NLGN4X: variants seen among roughly 807,000 people sequenced by gnomAD.
The protein encoded by NLGN4X is neuroligin 4 X-linked, also known as neuroligin-4, X-linked.
A neutral mutation model predicts 40.3 loss-of-function variants in NLGN4X; 3 were observed. That is an observed-to-expected ratio of 0.07 (90% CI 0.03 to 0.19). The LOEUF (loss-of-function observed/expected upper bound fraction) is 0.19. Among genes scored for constraint, NLGN4X ranks in the 10% least tolerant of loss-of-function variants. The pLI, the probability that NLGN4X is intolerant of heterozygous loss-of-function variation, is 1.00. For missense variants in NLGN4X, 382 were observed against 708.3 expected, an observed-to-expected ratio of 0.54 and a Z score of 5.23; for synonymous variants, 270 against 306.8, an observed-to-expected ratio of 0.88 and a Z score of 1.25.
intron 1 of NLGN4X, among the ~76,000 whole-genome samples, chrX:6,215,879 T>C (rs1602437493): frequency 4.1e-5 from 1 of 24,233 alleles, no homozygotes; most frequent in Non-Finnish European, 7.0e-5. Context: ...ACTCAAACAC[T>C]TTTTTTTTTT....
intron 2 of NLGN4X, among the ~76,000 whole-genome samples, chrX:6,057,514 A>G (rs2037662455): frequency 8.9e-6 from 1 of 112,283 alleles, no homozygotes. Flanking sequence ...AATTAAGAAT[A>G]AGATGAGTAA....
chrX:6,171,806 T>TC (rs1288748013), intron 1 of NLGN4X, among the ~76,000 whole-genome samples: 1 of 111,685 alleles, frequency 9.0e-6, no homozygotes, highest in Non-Finnish European at 1.9e-5. Context: ...CCAAATCTCA[T>TC]ATTGAATTGT....
chrX:6,180,407 C>A (rs917312519), intron 1 of NLGN4X, among the ~76,000 whole-genome samples: 3 of 110,722 alleles, frequency 2.7e-5, no homozygotes, highest in Non-Finnish European at 5.7e-5. Flanking sequence ...GCCCCTCTCT[C>A]TCTCTTCCTC....
At chrX:5,923,678 C>G (rs946356767) in intron 3 of NLGN4X, among the ~76,000 whole-genome samples, 1 of 111,640 alleles carries the variant, frequency 9.0e-6, no homozygotes, top group East Asian at 2.8e-4. Flanking sequence ...ACAGGAAGGG[C>G]CTGCCCCCAT....
chrX:6,128,593 C>T lies in NLGN4X; in HGVS notation c.472+22402G>A, dbSNP rs141480158. On this transcript the variant is annotated intron_variant, in intron 2 of 5. Coordinates refer to ENST00000381095, the MANE Select transcript of NLGN4X (RefSeq NM_181332.3). ...AACAAAACAAAATATCACATGTTCT[C>T]GCTTATAAGTGGGGGCTAAACACTG... 5.3e-4 allele frequency among the ~76,000 whole-genome samples: 59 copies of T among 111,399 alleles called. No individual in the cohort carries two copies. In the East Asian group the frequency reaches 0.015, roughly 28 times the overall value.
chrX:6,100,805 C>T (rs2038890902), intron 2 of NLGN4X, among the ~76,000 whole-genome samples: 2 of 71,444 alleles, frequency 2.8e-5, no homozygotes, highest in Admixed American at 3.2e-4. Flanking sequence ...AACAAAGACC[C>T]ACAGTCTTGG....
intron 1 of NLGN4X, among the ~76,000 whole-genome samples, chrX:6,183,978 A>C (rs747956654): frequency 8.9e-6 from 1 of 112,325 alleles, no homozygotes; most frequent in South Asian, 3.7e-4. Context: ...ACAATTATTC[A>C]CTCTCAGTTA....
chrX:5,973,663 A>G (rs190275232), intron 3 of NLGN4X, among the ~76,000 whole-genome samples: 1 of 110,928 alleles, frequency 9.0e-6, no homozygotes, highest in East Asian at 2.9e-4. Context: ...TCTACTAAAA[A>G]TACAAAAAAA....
intron 2 of NLGN4X, among the ~76,000 whole-genome samples, chrX:6,083,624 A>C (rs1178622182): frequency 2.7e-5 from 3 of 112,153 alleles, no homozygotes; most frequent in African/African-American, 9.7e-5. Context: ...ACAGGAAGAC[A>C]GCACATAGCT....
intron 2 of NLGN4X, among the ~76,000 whole-genome samples, chrX:6,042,730 T>TATACAC (rs1215396694): frequency 1.3e-3 from 26 of 20,165 alleles, no homozygotes; most frequent in African/African-American, 2.1e-3. Flanking sequence ...TATATATATA[T>TATACAC]ACACACACAC....
Position 5,987,304 on chromosome X carries a change from G to A in NLGN4X, c.625+41976C>T, listed in dbSNP as rs7060944. Among the ~76,000 whole-genome samples the A allele has an allele frequency of 2.3e-3, 263 of 112,315 alleles. 1 individual carries two copies. The East Asian group carries it at 0.06, about 26-fold the overall frequency. ...GTGATTCAGGGATGCCTTTATCATTGGGAAAATATAAAGAAAAGCATGGAA... is the reference window on the plus strand; with the variant it reads ...GTGATTCAGGGATGCCTTTATCATTAGGAAAATATAAAGAAAAGCATGGAA... On this transcript the variant is annotated intron_variant, in intron 3 of 5. Coordinates refer to ENST00000381095, the MANE Select transcript of NLGN4X (RefSeq NM_181332.3).
At position 5,916,457 on chromosome X, in the gene NLGN4X, G is replaced by T. The variant is rs185407702; in HGVS notation, c.626-7218C>A. On this transcript the variant is annotated intron_variant, in intron 3 of 5. Coordinates refer to ENST00000381095, the MANE Select transcript of NLGN4X (RefSeq NM_181332.3). ...CATTTATTTTATTTTATATTTTTATGTATTTTTTTTGAGACAGAGTTTCGC... is the reference window on the plus strand; with the variant it reads ...CATTTATTTTATTTTATATTTTTATTTATTTTTTTTGAGACAGAGTTTCGC... 1.1e-3 allele frequency among the ~76,000 whole-genome samples: 126 copies of T among 110,528 alleles called. 1 individual carries two copies. The highest frequency in any genetic ancestry group is 2.5e-4 in the Non-Finnish European group (13 of 53,056).
At chrX:6,190,273 GA>G (rs1204256534) in intron 1 of NLGN4X, among the ~76,000 whole-genome samples, 3 of 111,568 alleles carry the variant, frequency 2.7e-5, no homozygotes, top group Non-Finnish European at 5.6e-5. Flanking sequence ...TAGAATCAAG[GA>G]AAAATACTGA....
Position 5,987,947 on chromosome X carries a change from C to T in NLGN4X, c.625+41333G>A, listed in dbSNP as rs148337343. 5.8e-3 allele frequency among the ~76,000 whole-genome samples: 649 copies of T among 111,435 alleles called. 7 individuals are homozygous for T. The highest frequency in any genetic ancestry group is 0.047 in the Admixed American group (491 of 10,538). ...AAAAAATTAGCTTGGTATGGTGGTG[C>T]CTAGTTGTAGTCCTAGCTACTCAGG... On this transcript the variant is annotated intron_variant, in intron 3 of 5. Transcript: ENST00000381095.
At chrX:6,094,132 T>C (rs980802145) in intron 2 of NLGN4X, among the ~76,000 whole-genome samples, 2 of 111,179 alleles carry the variant, frequency 1.8e-5, no homozygotes, top group African/African-American at 3.3e-5. Context: ...TAACACTTAA[T>C]AGACAAATAC....
At chrX:5,942,364 A>T (rs2033976016) in intron 3 of NLGN4X, among the ~76,000 whole-genome samples, 1 of 111,937 alleles carries the variant, frequency 8.9e-6, no homozygotes, top group Non-Finnish European at 1.9e-5. Context: ...AACTATGTGC[A>T]CTACCATCTG....
intron 3 of NLGN4X, among the ~76,000 whole-genome samples, chrX:5,918,012 C>G (rs1327157962): frequency 1.8e-5 from 2 of 112,018 alleles, no homozygotes; most frequent in Non-Finnish European, 3.8e-5. Context: ...CACATCATAG[C>G]TTTTACTTAT....
chrX:5,898,828 C>G (rs759054437), intron 5 of NLGN4X, among the ~76,000 whole-genome samples: 2 of 112,185 alleles, frequency 1.8e-5, no homozygotes, highest in Non-Finnish European at 3.8e-5. Context: ...CACACCATGA[C>G]AGCAGATAAG....
intron 3 of NLGN4X, among the ~76,000 whole-genome samples, chrX:6,012,419 A>T (rs1331461858): frequency 3.6e-5 from 4 of 112,024 alleles, no homozygotes; most frequent in Non-Finnish European, 7.5e-5. Context: ...TTCTTGCCAG[A>T]GTGTGGCCTA....
Sources: gnomAD v4.1 joint callset for allele counts (sites outside exome capture counted in the v4.1 genomes callset) on GRCh38, gnomAD v4.1.1 for gene constraint, MANE v1.5 for transcripts, NCBI Gene and HGNC (gene_info 2026-07-23, HGNC 2026-07-21) for gene names.